Variants in LHFPL3 observed in about 807,000 individuals in gnomAD.
The protein encoded by LHFPL3 is LHFPL tetraspan subfamily member 3.
Under a neutral mutation model 19.3 loss-of-function variants are expected in LHFPL3, and 5 were observed. The ratio of observed to expected loss-of-function variants is 0.26; its 90% CI spans 0.14 to 0.54. The LOEUF (loss-of-function observed/expected upper bound fraction) is 0.54. LHFPL3 is among the 20% of genes least tolerant of loss of function. The pLI is 0.94. For missense variants in LHFPL3, 249 were observed against 307.4 expected (o/e 0.81, Z 1.42); for synonymous variants, 133 against 126.2 (o/e 1.05, Z -0.36).
At chr7:104,690,502 C>T (rs1053492080) in intron 1 of LHFPL3, among the ~76,000 whole-genome samples, 3 of 152,196 alleles carry the variant, frequency 2.0e-5, no homozygotes, top group African/African-American at 7.2e-5. Flanking sequence ...TGACATTATC[C>T]TGATTGGATC....
chr7:104,607,814 C>T (rs1426642692), intron 1 of LHFPL3, among the ~76,000 whole-genome samples: 2 of 151,966 alleles, frequency 1.3e-5, no homozygotes, highest in African/African-American at 4.8e-5. Context: ...AAAAACAACC[C>T]CATTAACAAG....
chr7:104,520,377 A>G (rs549838793), intron 1 of LHFPL3, among the ~76,000 whole-genome samples: 178 of 146,554 alleles, frequency 1.2e-3, no homozygotes, highest in South Asian at 5.7e-3. Context: ...TTTTGCATCA[A>G]TGTTCATCAA....
At chr7:104,395,736 C>G (rs1195155172) in intron 1 of LHFPL3, among the ~76,000 whole-genome samples, 3 of 152,092 alleles carry the variant, frequency 2.0e-5, no homozygotes, top group Non-Finnish European at 4.4e-5. Context: ...AATAAATTTC[C>G]TCAGCCTAGA....
chr7:104,826,947 AT>A (rs1192525869), intron 2 of LHFPL3, among the ~76,000 whole-genome samples: 1 of 151,980 alleles, frequency 6.6e-6, no homozygotes, highest in African/African-American at 2.4e-5. Flanking sequence ...TTTCAGAAAT[AT>A]TCATGCAAAG....
chr7:104,808,114 C>T (rs1163952510), intron 2 of LHFPL3, among the ~76,000 whole-genome samples: 2 of 152,118 alleles, frequency 1.3e-5, no homozygotes, highest in East Asian at 3.8e-4. Flanking sequence ...ACTCTTCTCC[C>T]CCATCAGCCA....
chr7:104,334,842 A>G (rs1584593673), intron 1 of LHFPL3, among the ~76,000 whole-genome samples: 1 of 152,166 alleles, frequency 6.6e-6, no homozygotes, highest in South Asian at 2.1e-4. Flanking sequence ...AAAAAACCTC[A>G]TATCATCCAA....
At chr7:104,772,446 G>A (rs1319497875) in intron 2 of LHFPL3, among the ~76,000 whole-genome samples, 3 of 152,142 alleles carry the variant, frequency 2.0e-5, no homozygotes, top group Non-Finnish European at 4.4e-5. Context: ...CCTACGGTGT[G>A]CTCAGACAAT....
chr7:104,565,759 CT>C (rs1790109505), intron 1 of LHFPL3, among the ~76,000 whole-genome samples: 1 of 150,712 alleles, frequency 6.6e-6, no homozygotes, highest in Non-Finnish European at 1.5e-5. Flanking sequence ...ATCTATCTAT[CT>C]ATCTATCTAT....
chr7:104,537,102 CA>C (rs1258621787), intron 1 of LHFPL3, among the ~76,000 whole-genome samples: 2 of 152,092 alleles, frequency 1.3e-5, no homozygotes, highest in African/African-American at 4.8e-5. Flanking sequence ...ATCTTTAACC[CA>C]AAAAACTGGT....
chr7:104,506,873 A>G (rs1421633764), intron 1 of LHFPL3, among the ~76,000 whole-genome samples: 1 of 152,254 alleles, frequency 6.6e-6, no homozygotes, highest in Non-Finnish European at 1.5e-5. Context: ...ACTGAGGAAT[A>G]GAAGTACAAA....
At chr7:104,791,494 G>C (rs1562794557) in intron 2 of LHFPL3, among the ~76,000 whole-genome samples, 1 of 152,158 alleles carries the variant, frequency 6.6e-6, no homozygotes, top group East Asian at 1.9e-4. Flanking sequence ...CACATCACAT[G>C]ATCACTGTAG....
intron 1 of LHFPL3, among the ~76,000 whole-genome samples, chr7:104,666,322 G>A (rs897865306): frequency 6.6e-6 from 1 of 150,878 alleles, no homozygotes; most frequent in East Asian, 1.9e-4. Flanking sequence ...CCCTCCCTCC[G>A]CCCTCACACA....
intron 2 of LHFPL3, among the ~76,000 whole-genome samples, chr7:104,904,702 T>C (rs557095923): frequency 3.3e-5 from 5 of 152,244 alleles, no homozygotes; most frequent in African/African-American, 1.2e-4. Context: ...TGCTCTGTGA[T>C]GTAAAGCCTA....
intron 2 of LHFPL3, among the ~76,000 whole-genome samples, chr7:104,850,747 T>C (rs1791401807): frequency 6.6e-6 from 1 of 152,158 alleles, no homozygotes; most frequent in Non-Finnish European, 1.5e-5. Flanking sequence ...GCCCCAGGAA[T>C]CTGTATTCCA....
intron 1 of LHFPL3, among the ~76,000 whole-genome samples, chr7:104,700,138 G>C (rs936764044): frequency 1.2e-4 from 19 of 152,162 alleles, no homozygotes; most frequent in African/African-American, 4.6e-4. Context: ...TGAGAACCAT[G>C]CAGAATCTAC....
intron 1 of LHFPL3, among the ~76,000 whole-genome samples, chr7:104,569,712 C>T (rs1396277488): frequency 6.6e-6 from 1 of 152,052 alleles, no homozygotes; most frequent in Admixed American, 6.6e-5. Context: ...GCTATTATGT[C>T]ATTTAGTTCT....
At chr7:104,650,242 C>A (rs1425240090) in intron 1 of LHFPL3, among the ~76,000 whole-genome samples, 1 of 152,166 alleles carries the variant, frequency 6.6e-6, no homozygotes, top group Non-Finnish European at 1.5e-5. Context: ...TGCTGTTAGG[C>A]CACCACAATG....
intron 2 of LHFPL3, among the ~76,000 whole-genome samples, chr7:104,763,727 C>A (rs1329724775): frequency 6.6e-6 from 1 of 152,220 alleles, no homozygotes; most frequent in Non-Finnish European, 1.5e-5. Context: ...GCTTCCCCAG[C>A]TTCCTGGAAA....
chr7:104,527,274 A>C (rs1339990598), intron 1 of LHFPL3, among the ~76,000 whole-genome samples: 5 of 152,006 alleles, frequency 3.3e-5, no homozygotes, highest in Admixed American at 1.3e-4. Flanking sequence ...CCACTGGTGA[A>C]TTTGGCAAGA....
Sources: allele counts gnomAD v4.1 joint callset (sites outside exome capture counted in the v4.1 genomes callset), GRCh38; gene constraint gnomAD v4.1.1; transcripts MANE v1.5; gene names NCBI Gene and HGNC (gene_info 2026-07-23, HGNC 2026-07-21).